The following ATP13A4 variants were observed in gnomAD, a reference collection of about 807,000 sequenced individuals.
The protein encoded by ATP13A4 is ATPase 13A4.
A neutral mutation model predicts 142.5 loss-of-function variants in ATP13A4; 114 were observed. That is an observed-to-expected ratio of 0.80 (90% confidence interval 0.69 to 0.93). The LOEUF (loss-of-function observed/expected upper bound fraction) is 0.93. Among genes scored for constraint, ATP13A4 ranks in the 40% least tolerant of loss-of-function variants. The probability of loss-of-function intolerance (pLI) is 0.00; values close to 1 mark genes in which losing one functional copy is unlikely to be tolerated. For synonymous variants in ATP13A4, 488 were observed against 514.8 expected (o/e 0.95, Z 0.70); for missense variants, 1,392 against 1,454.0 (o/e 0.96, Z 0.69).
At chr3:193,536,631 A>C (rs1432461755) in intron 1 of ATP13A4, among the ~76,000 whole-genome samples, 1 of 152,076 alleles carries the variant, frequency 6.6e-6, no homozygotes, top group African/African-American at 2.4e-5. Context: ...TTGTTCTAGA[A>C]TTTGTAACTA....
At chr3:193,516,964 A>T (rs1377814858) in intron 1 of ATP13A4, among the ~76,000 whole-genome samples, 1 of 152,252 alleles carries the variant, frequency 6.6e-6, no homozygotes, top group African/African-American at 2.4e-5. Context: ...TATTGATAAC[A>T]GTGCTAGCAG....
chr3:193,491,682 C>T (rs1304890171), intron 5 of ATP13A4, among the ~76,000 whole-genome samples: 1 of 152,110 alleles, frequency 6.6e-6, no homozygotes, highest in African/African-American at 2.4e-5. Flanking sequence ...TAAATATTGT[C>T]TCATTCAAGT....
Position 193,418,876 on chromosome 3 carries a change from G to T in ATP13A4, c.2843-4126C>A, listed in dbSNP as rs1034810197. 1.3e-5 allele frequency: 2 copies of T among 150,510 alleles called. 1 individual carries two copies. Among genetic ancestry groups the T allele is most frequent in the Non-Finnish European group, 2.9e-5 (2 of 68,074 alleles). The allele number at this position is 150,510 out of a possible 1,614,324, so 9.3% of individuals were successfully genotyped here. On this transcript the variant is annotated intron_variant, in intron 25 of 29. Coordinates refer to ENST00000342695, the MANE Select transcript of ATP13A4 (RefSeq NM_032279.4). The stretch of plus-strand genomic sequence containing the variant: ...CCCCCTACCAGCCTTGAGGCTTAAC[G>T]GCTGCTGGACTACTCCTGCCTGGTG...
At chr3:193,583,704 G>A (rs2108748023) in intron 1 of ATP13A4, among the ~76,000 whole-genome samples, 1 of 152,000 alleles carries the variant, frequency 6.6e-6, no homozygotes, top group South Asian at 2.1e-4. Flanking sequence ...AATGAAAGAA[G>A]CTTGACCTCT....
At chr3:193,405,006 G>GT (rs1451561846) in intron 29 of ATP13A4, among the ~76,000 whole-genome samples, 1 of 152,174 alleles carries the variant, frequency 6.6e-6, no homozygotes, top group Non-Finnish European at 1.5e-5. Context: ...TCAGCTGGAG[G>GT]TTCGATCATG....
At chr3:193,493,036 A>G (rs752737818) in intron 4 of ATP13A4, 39 bp from the exon 5 acceptor site, 1 of 1,603,580 alleles carries the variant, frequency 6.2e-7, no homozygotes, top group Non-Finnish European at 8.5e-7. Flanking sequence ...TTTAGCAATA[A>G]TATTTTTGAG....
In ATP13A4 at chr3:193,514,109, G is replaced by A. The variant is rs78299620; in HGVS notation, c.234+589C>T. On this transcript the variant is annotated intron_variant, in intron 2 of 29. Coordinates refer to ENST00000342695, the MANE Select transcript of ATP13A4 (RefSeq NM_032279.4). ...TTAATTTAACTTGTATTTTAAGATC[G>A]GGGAACATGTGCAGGTTTGTTATAT... Among the ~76,000 whole-genome samples, 930 of 152,216 alleles carry A rather than the reference G, an allele frequency of 6.1e-3. 15 individuals are homozygous for A. In the East Asian group the frequency reaches 0.07, roughly 11 times the overall value.
intron 25 of ATP13A4, among the ~76,000 whole-genome samples, chr3:193,429,244 C>T (rs770971976): frequency 9.2e-5 from 14 of 152,028 alleles, no homozygotes; most frequent in East Asian, 1.9e-4. Context: ...GAAAATAGTT[C>T]GGTGGTTCCT....
intron 29 of ATP13A4, 135 bp downstream of exon 29, chr3:193,407,178 A>G: frequency 1.4e-6 from 1 of 731,982 alleles, no homozygotes; most frequent in Non-Finnish European, 2.4e-6. Flanking sequence ...CATTGCTTAT[A>G]CTGTGAAGGA....
At chr3:193,497,498 A>G (rs1720311141) in intron 3 of ATP13A4, among the ~76,000 whole-genome samples, 1 of 152,338 alleles carries the variant, frequency 6.6e-6, no homozygotes, top group Admixed American at 6.5e-5. Flanking sequence ...CATTATGAAA[A>G]ACAGTATACA....
rs776391619 is a variant in ATP13A4, at chr3:193,514,816, G to C, written c.116C>G (p.Ser39Cys). ...GCRKSLCLAG[S>C]IFSFGILPLV... ...GGGGAGGATTCCAAATGAGAAGATG[G>C]ATCCGGCAAGGCAGAGACTTTTCCG... The change falls in exon 2 of 30, where the codon TCC (serine) becomes TGC (cysteine). Residue 39 changes from serine (S) to cysteine (C), a missense_variant. By Grantham distance (112) the Ser-to-Cys change is moderately radical (BLOSUM62 -1). Coordinates refer to ENST00000342695, the MANE Select transcript of ATP13A4 (RefSeq NM_032279.4). 6.2e-7 allele frequency: 1 copy of C among 1,614,210 alleles called. No homozygotes were observed. The highest frequency in any genetic ancestry group is 8.5e-7 in the Non-Finnish European group (1 of 1,180,026).
At chr3:193,492,804 G>T in intron 5 of ATP13A4, 113 bp downstream of exon 5, 1 of 803,676 alleles carries the variant, frequency 1.2e-6, no homozygotes. Context: ...ACTAAATAGA[G>T]CATTATAATA....
chr3:193,458,993 T>C (rs1478408739), intron 14 of ATP13A4, 88 bp downstream of exon 14: 2 of 1,575,332 alleles, frequency 1.3e-6, no homozygotes, highest in Non-Finnish European at 1.7e-6. Context: ...AAACCTCACC[T>C]TTTATAAGAA....
At chr3:193,530,054 A>G (rs970689797) in intron 1 of ATP13A4, among the ~76,000 whole-genome samples, 5 of 152,120 alleles carry the variant, frequency 3.3e-5, no homozygotes, top group African/African-American at 1.2e-4. Context: ...GCAACAAAAT[A>G]CCTTTCCCTT....
chr3:193,405,367 T>C (rs1157835478), intron 29 of ATP13A4, among the ~76,000 whole-genome samples: 1 of 152,214 alleles, frequency 6.6e-6, no homozygotes, highest in Admixed American at 6.5e-5. Context: ...CCAGAATCTT[T>C]TTCTACTCAT....
At chr3:193,443,380 T>A (rs1352116250) in intron 18 of ATP13A4, among the ~76,000 whole-genome samples, 3 of 152,194 alleles carry the variant, frequency 2.0e-5, no homozygotes, top group Non-Finnish European at 2.9e-5. Context: ...ACCCCTCGTT[T>A]GTGAGAGTAA....
intron 1 of ATP13A4, among the ~76,000 whole-genome samples, chr3:193,534,968 A>G (rs1052199306): frequency 3.9e-5 from 6 of 152,178 alleles, no homozygotes; most frequent in South Asian, 2.1e-4. Flanking sequence ...AAAAATGTTA[A>G]AAGCACCCAA....
intron 1 of ATP13A4, among the ~76,000 whole-genome samples, chr3:193,589,180 A>ATATATATGTGTGTGTGTG (rs1175256837): frequency 6.6e-5 from 10 of 151,228 alleles, no homozygotes; most frequent in African/African-American, 2.4e-4. Flanking sequence ...ATATATATAT[A>ATATATATGTGTGTGTGTG]TGTGTGTGTG....
intron 18 of ATP13A4, among the ~76,000 whole-genome samples, chr3:193,444,565 T>G (rs975804745): frequency 1.3e-5 from 2 of 152,244 alleles, no homozygotes; most frequent in African/African-American, 4.8e-5. Context: ...TTTTCTTTAC[T>G]CATGTTCTTT....
Sources: allele counts gnomAD v4.1 joint callset (sites outside exome capture counted in the v4.1 genomes callset), GRCh38; gene constraint gnomAD v4.1.1; transcripts MANE v1.5; gene names NCBI Gene and HGNC (gene_info 2026-07-23, HGNC 2026-07-21).